SGMS1: variants seen among roughly 807,000 people sequenced by gnomAD.
The protein encoded by SGMS1 is phosphatidylcholine:ceramide cholinephosphotransferase 1.
In SGMS1, 13 loss-of-function variants were observed where a neutral mutation model predicts 46.2. That is an observed-to-expected ratio of 0.28 (90% CI 0.18 to 0.45). The LOEUF is 0.45. Among genes scored for constraint, SGMS1 ranks in the 20% least tolerant of loss-of-function variants. SGMS1 has a pLI of 1.00. For synonymous variants in SGMS1, 203 were observed against 187.8 expected (o/e 1.08, Z -0.66); for missense variants, 324 against 519.9 (o/e 0.62, Z 3.66).
chr10:50,540,712 T>G (rs1829324594), intron 2 of SGMS1, among the ~76,000 whole-genome samples: 1 of 152,074 alleles, frequency 6.6e-6, no homozygotes, highest in South Asian at 2.1e-4. Flanking sequence ...GGGCTGGGGA[T>G]TAGTGGGCAA....
chr10:50,455,940 C>T (rs548305628), intron 5 of SGMS1, among the ~76,000 whole-genome samples: 42 of 152,156 alleles, frequency 2.8e-4, no homozygotes, highest in Non-Finnish European at 5.4e-4. Context: ...TCTCTCCTAA[C>T]CCTAACATTT....
chr10:50,390,516 T>C (rs1848751730), intron 6 of SGMS1, among the ~76,000 whole-genome samples: 1 of 152,202 alleles, frequency 6.6e-6, no homozygotes, highest in Non-Finnish European at 1.5e-5. Flanking sequence ...CTGTAGTCTG[T>C]AGTCCTAGCT....
chr10:50,484,371 C>A (rs1837502377), intron 3 of SGMS1, among the ~76,000 whole-genome samples: 1 of 152,124 alleles, frequency 6.6e-6, no homozygotes, highest in Non-Finnish European at 1.5e-5. Context: ...CCTTAATAGA[C>A]CAATAACAAG....
intron 6 of SGMS1, among the ~76,000 whole-genome samples, chr10:50,357,800 T>C (rs1564887804): frequency 1.3e-5 from 2 of 152,238 alleles, no homozygotes; most frequent in Admixed American, 1.3e-4. Flanking sequence ...TTTATGATTT[T>C]TTAAGGCATG....
chr10:50,571,941 C>G (rs893368017), intron 2 of SGMS1, among the ~76,000 whole-genome samples: 1 of 152,110 alleles, frequency 6.6e-6, no homozygotes, highest in African/African-American at 2.4e-5. Flanking sequence ...TGTTTCAGAA[C>G]CTGGGCTCTT....
intron 2 of SGMS1, among the ~76,000 whole-genome samples, chr10:50,574,260 T>G (rs1168766980): frequency 3.3e-5 from 5 of 152,028 alleles, no homozygotes; most frequent in African/African-American, 9.7e-5. Context: ...GAAAAAAGAT[T>G]AACATCTATT....
intron 1 of SGMS1, among the ~76,000 whole-genome samples, chr10:50,619,045 G>A (rs1223917630): frequency 6.6e-6 from 1 of 152,018 alleles, no homozygotes; most frequent in Non-Finnish European, 1.5e-5. Context: ...AGGTAGGAGA[G>A]TCTCTTGAGC....
chr10:50,524,790 T>G lies in SGMS1; in HGVS notation c.-588-4869A>C, dbSNP rs147813544. On this transcript the variant is annotated intron_variant, in intron 2 of 10. Coordinates refer to ENST00000361781, the MANE Select transcript of SGMS1 (RefSeq NM_147156.4). ...GCATGAAACATAGTTAGTTGAAAAATTAACAGCATAATAGGTACTTCCAGG... is the reference window on the plus strand; with the variant it reads ...GCATGAAACATAGTTAGTTGAAAAAGTAACAGCATAATAGGTACTTCCAGG... Among the ~76,000 whole-genome samples the G allele has an allele frequency of 4.6e-5, 7 of 152,124 alleles. No homozygotes were observed. The South Asian group carries it at 6.2e-4, about 14-fold the overall frequency.
chr10:50,592,945 A>G (rs564520556), intron 1 of SGMS1, among the ~76,000 whole-genome samples: 4 of 117,394 alleles, frequency 3.4e-5, no homozygotes, highest in Non-Finnish European at 8.6e-5. Context: ...GCCTCCCAGT[A>G]TTCATGCGCT....
chr10:50,609,861 C>T (rs923110242), intron 1 of SGMS1, among the ~76,000 whole-genome samples: 13 of 152,104 alleles, frequency 8.5e-5, no homozygotes, highest in Admixed American at 5.2e-4. Flanking sequence ...ATGAACTTTA[C>T]TATTTAGGTA....
At chr10:50,451,616 A>C (rs907225986) in intron 5 of SGMS1, among the ~76,000 whole-genome samples, 1 of 152,196 alleles carries the variant, frequency 6.6e-6, no homozygotes, top group Non-Finnish European at 1.5e-5. Flanking sequence ...TATCAGCAAC[A>C]CGAGCAGCAG....
chr10:50,486,384 G>A (rs1056150327), intron 3 of SGMS1, among the ~76,000 whole-genome samples: 2 of 152,048 alleles, frequency 1.3e-5, no homozygotes, highest in Non-Finnish European at 2.9e-5. Flanking sequence ...GACAACCTAC[G>A]GAACGGGAGA....
intron 7 of SGMS1, 96 bp downstream of exon 7, chr10:50,343,396 C>T (rs1847852411): frequency 1.5e-6 from 2 of 1,338,660 alleles, no homozygotes; most frequent in African/African-American, 1.5e-5. Flanking sequence ...ATGTTTTGAT[C>T]CCAACAAGTT....
chr10:50,545,794 C>G (rs533584184), intron 2 of SGMS1, among the ~76,000 whole-genome samples: 1 of 152,130 alleles, frequency 6.6e-6, no homozygotes, highest in Admixed American at 6.5e-5. Context: ...AGTGACTCGG[C>G]AAGAGAGGAC....
At chr10:50,591,892 C>A (rs138911732) in intron 1 of SGMS1, among the ~76,000 whole-genome samples, 43 of 152,340 alleles carry the variant, frequency 2.8e-4, no homozygotes, top group Non-Finnish European at 4.7e-4. Context: ...ATTCTGTAGA[C>A]ACAGAGAGTT....
intron 2 of SGMS1, among the ~76,000 whole-genome samples, chr10:50,587,395 GA>G (rs566019870): frequency 2.0e-5 from 3 of 152,324 alleles, no homozygotes; most frequent in Admixed American, 6.5e-5. Context: ...ACCACTTTGG[GA>G]GGCCAAGGCG....
At chr10:50,620,175 G>C (rs545091529) in intron 1 of SGMS1, among the ~76,000 whole-genome samples, 7 of 152,212 alleles carry the variant, frequency 4.6e-5, no homozygotes, top group Non-Finnish European at 1.0e-4. Context: ...TCTCCTCCCT[G>C]ACATCCAATG....
chr10:50,612,714 T>C (rs563935859), intron 1 of SGMS1, among the ~76,000 whole-genome samples: 28 of 152,326 alleles, frequency 1.8e-4, no homozygotes, highest in Non-Finnish European at 2.8e-4. Flanking sequence ...TTTGTTGTTG[T>C]TGTTGTTGTT....
intron 3 of SGMS1, among the ~76,000 whole-genome samples, chr10:50,488,833 C>A (rs1211832302): frequency 6.6e-6 from 1 of 152,158 alleles, no homozygotes; most frequent in Non-Finnish European, 1.5e-5. Flanking sequence ...TTTTCCAACA[C>A]CTGCCAATGC....
Sources: allele counts gnomAD v4.1 joint callset (sites outside exome capture counted in the v4.1 genomes callset), GRCh38; gene constraint gnomAD v4.1.1; transcripts MANE v1.5; gene names NCBI Gene and HGNC (gene_info 2026-07-23, HGNC 2026-07-21).